The following SHPRH variants were observed in gnomAD, a reference collection of about 807,000 sequenced individuals.
SHPRH encodes SNF2 histone linker PHD RING helicase.
In SHPRH, 106 loss-of-function variants were observed where a neutral mutation model predicts 202.5. That is an observed-to-expected ratio of 0.52 (90% confidence interval 0.45 to 0.62). The LOEUF is 0.62. SHPRH is among the 20% of genes least tolerant of loss of function. SHPRH has a pLI of 0.00. For synonymous variants in SHPRH, 729 were observed against 686.0 expected, an observed-to-expected ratio of 1.06 and a Z score of -0.98; for missense variants, 1,710 against 2,020.0, an observed-to-expected ratio of 0.85 and a Z score of 2.94.
At chr6:145,917,526 A>G (rs1784062584) in intron 23 of SHPRH, 1 of 152,120 alleles carries the variant, frequency 6.6e-6, no homozygotes, top group South Asian at 2.1e-4. Flanking sequence ...TCTTGTCCTC[A>G]CTTGCCCTAT....
chr6:145,873,534 G>C (rs1583263000), intron 2 of SHPRH, among the ~76,000 whole-genome samples: 2 of 152,098 alleles, frequency 1.3e-5, no homozygotes, highest in Admixed American at 6.5e-5. Context: ...ATGGTCATCT[G>C]TAGCCAAAAT....
intron 1 of SHPRH, among the ~76,000 whole-genome samples, chr6:145,956,682 A>G (rs1788543852): frequency 1.3e-5 from 2 of 152,166 alleles, no homozygotes; most frequent in Non-Finnish European, 2.9e-5. Flanking sequence ...AAATTTCTGT[A>G]AAAGATAACT....
chr6:145,952,984 T>C (rs753215230), intron 2 of SHPRH, among the ~76,000 whole-genome samples: 3 of 152,112 alleles, frequency 2.0e-5, no homozygotes, highest in Admixed American at 6.6e-5. Context: ...GTTTTACAGT[T>C]GAAAGACTTG....
rs201255490 is a variant in SHPRH at position 145,921,553 on chromosome 6, TA to T, written c.3783-162del. 7.3e-3 allele frequency among the ~76,000 whole-genome samples: 1,044 copies of T among 143,596 alleles called. 10 individuals are homozygous for T. Among genetic ancestry groups the T allele is most frequent in the African/African-American group, 0.025 (961 of 38,700 alleles). The allele number at this position is 143,596 out of a possible 152,430, so 94.2% of individuals were successfully genotyped here. On this transcript the variant is annotated intron_variant, in intron 20 of 29. Transcript: ENST00000275233. ...TAAATTTGGCCAGTTTTTTTTTTTT[TA>T]AATTCTATTATATCCACTGTAATAA...
chr6:145,886,673 G>A lies in SHPRH; in HGVS notation c.*18C>T. ...GTTTATTAATACACTAAAGTCCATG[G>A]AATGAATCAAGTGTAGTTCATTCAA... On this transcript the variant is annotated 3_prime_UTR_variant, in exon 30 of 30. Transcript: ENST00000275233. 1 of 1,608,080 alleles carries A rather than the reference G, an allele frequency of 6.2e-7. No homozygotes were observed. Among genetic ancestry groups the A allele is most frequent in the Non-Finnish European group, 8.5e-7 (1 of 1,178,326 alleles).
At chr6:145,869,269 A>C (rs1455618428) in intron 2 of SHPRH, among the ~76,000 whole-genome samples, 1 of 152,124 alleles carries the variant, frequency 6.6e-6, no homozygotes, top group Non-Finnish European at 1.5e-5. Context: ...ATGCGTTTTG[A>C]AAATATTTTC....
At chr6:145,912,344 A>G (rs1171643824) in intron 24 of SHPRH, among the ~76,000 whole-genome samples, 2 of 152,142 alleles carry the variant, frequency 1.3e-5, no homozygotes, top group Non-Finnish European at 2.9e-5. Flanking sequence ...ATTGAAATCC[A>G]ATATGGTCTT....
chr6:145,917,798 T>C (rs1318246136), intron 23 of SHPRH: 1 of 178,732 alleles, frequency 5.6e-6, no homozygotes, highest in Non-Finnish European at 1.2e-5. Context: ...ATTTTTGTAT[T>C]GATGAATGAA....
chr6:145,890,038 T>C (rs1781444989), intron 28 of SHPRH, among the ~76,000 whole-genome samples: 1 of 152,224 alleles, frequency 6.6e-6, no homozygotes, highest in African/African-American at 2.4e-5. Context: ...CTAGTTTTTG[T>C]TGTCTCTAAT....
At chr6:145,922,399 G>C in intron 19 of SHPRH, 51 bp from the exon 20 acceptor site, 1 of 1,524,794 alleles carries the variant, frequency 6.6e-7, no homozygotes, top group Non-Finnish European at 8.8e-7. Context: ...CCAGCAATCT[G>C]GTAATTTTAA....
At chr6:145,937,007 A>C (rs1433482419) in intron 11 of SHPRH, among the ~76,000 whole-genome samples, 1 of 139,820 alleles carries the variant, frequency 7.2e-6, no homozygotes, top group Non-Finnish European at 1.5e-5. Flanking sequence ...TTTTTGAGAC[A>C]GAGTCTTGCT....
At chr6:145,877,897 C>T (rs1487526449) in intron 2 of SHPRH, 1 of 152,162 alleles carries the variant, frequency 6.6e-6, no homozygotes, top group African/African-American at 2.4e-5. Context: ...GTTGTCTCAC[C>T]TTTCTGAACC....
At chr6:145,911,014 A>G (rs1296122403) in intron 24 of SHPRH, among the ~76,000 whole-genome samples, 4 of 152,280 alleles carry the variant, frequency 2.6e-5, no homozygotes, top group African/African-American at 9.6e-5. Flanking sequence ...TAAAAAACAG[A>G]TTTATATTTT....
downstream of SHPRH, among the ~76,000 whole-genome samples, chr6:145,879,936 A>T (rs1780484680): frequency 6.6e-6 from 1 of 151,198 alleles, no homozygotes; most frequent in African/African-American, 2.4e-5. Context: ...AAAAAAAGGA[A>T]AAAAGAAAAA....
intron 22 of SHPRH, 81 bp from the exon 23 acceptor site, chr6:145,918,313 A>G: frequency 2.3e-6 from 2 of 860,274 alleles, no homozygotes; most frequent in Non-Finnish European, 3.3e-6. Context: ...ATTCTCCAGT[A>G]ATACAAATGT....
intron 1 of SHPRH, among the ~76,000 whole-genome samples, chr6:145,963,052 C>T (rs1411263286): frequency 6.6e-6 from 1 of 152,190 alleles, no homozygotes; most frequent in Non-Finnish European, 1.5e-5. Context: ...AGAGGATATA[C>T]AAGAGCATCT....
intron 9 of SHPRH, among the ~76,000 whole-genome samples, chr6:145,942,122 G>A (rs1047693938): frequency 3.3e-5 from 5 of 152,146 alleles, no homozygotes; most frequent in Admixed American, 6.5e-5. Context: ...ATTCTGTAGC[G>A]GAGAAGGTAA....
intron 2 of SHPRH, among the ~76,000 whole-genome samples, chr6:145,873,553 T>C (rs1780151096): frequency 6.6e-6 from 1 of 152,058 alleles, no homozygotes. Flanking sequence ...ATCATGGACA[T>C]AAATTCTGAG....
At chr6:145,913,429 A>G (rs1241001942) in intron 24 of SHPRH, 49 bp downstream of exon 24, 1 of 1,516,924 alleles carries the variant, frequency 6.6e-7, no homozygotes, top group Non-Finnish European at 9.0e-7. Flanking sequence ...AAACCTTTGA[A>G]AACTGTAAGG....
Sources: gnomAD v4.1 joint callset for allele counts (sites outside exome capture counted in the v4.1 genomes callset) on GRCh38, gnomAD v4.1.1 for gene constraint, MANE v1.5 for transcripts, NCBI Gene and HGNC (gene_info 2026-07-23, HGNC 2026-07-21) for gene names.